RREB1: variants seen among roughly 807,000 people sequenced by gnomAD.
RREB1 encodes the protein ras responsive element binding protein 1.
RREB1 carries 27 observed loss-of-function variants against 117.8 expected under a neutral mutation model. The observed-to-expected ratio is 0.23, with a 90% confidence interval of 0.17 to 0.32. The LOEUF (loss-of-function observed/expected upper bound fraction) is 0.32, where lower values mean the gene tolerates loss of function less well. Among genes scored for constraint, RREB1 ranks in the 10% least tolerant of loss-of-function variants. RREB1 has a pLI of 1.00. For synonymous variants in RREB1, 1,298 were observed against 1,026.7 expected, an observed-to-expected ratio of 1.26 and a Z score of -5.05; for missense variants, 2,577 against 2,378.2, an observed-to-expected ratio of 1.08 and a Z score of -1.74.
chr6:7,249,088 AG>A lies in RREB1; in HGVS notation c.*121del. 1 of 809,766 alleles carries A rather than the reference AG, an allele frequency of 1.2e-6. No individual in the cohort carries two copies. 50.2% of individuals were successfully genotyped at this position (809,766 alleles called of 1,614,324 possible). On this transcript the variant is annotated 3_prime_UTR_variant, in exon 13 of 13. Coordinates refer to ENST00000379938, the MANE Select transcript of RREB1 (RefSeq NM_001003699.4). ...GAGAGAGAGAGAGAGAGAGAGAGAGAGAGAGAGAGAGAGAGACAAGCAGGAG... is the reference window on the plus strand; with the variant it reads ...GAGAGAGAGAGAGAGAGAGAGAGAGAAGAGAGAGAGAGAGACAAGCAGGAG...
chr6:7,188,927 G>A (rs1765250352), intron 5 of RREB1, among the ~76,000 whole-genome samples: 1 of 152,196 alleles, frequency 6.6e-6, no homozygotes, highest in Non-Finnish European at 1.5e-5. Flanking sequence ...GAGCCTTTCA[G>A]TAGAAGTAGT....
chr6:7,249,073 GAGAGAGA>G lies in RREB1; in HGVS notation c.*106_*112del, dbSNP rs1228312006. 1.8e-6 allele frequency: 1 copy of G among 552,562 alleles called. No individual in the cohort carries two copies. The highest frequency in any genetic ancestry group is 4.9e-5 in the East Asian group (1 of 20,318). The allele number at this position is 552,562 out of a possible 1,614,324, so 34.2% of individuals were successfully genotyped here. On this transcript the variant is annotated 3_prime_UTR_variant, in exon 13 of 13. Transcript: ENST00000379938. ...TGGCTGTTGAGGAGTGAGAGAGAGA[GAGAGAGA>G]GAGAGAGAGAGAGAGAGAGAGAGAC...
At chr6:7,237,139 G>A (rs1056072929) in intron 10 of RREB1, among the ~76,000 whole-genome samples, 3 of 151,974 alleles carry the variant, frequency 2.0e-5, no homozygotes, top group African/African-American at 7.2e-5. Context: ...AGGCTGGAGT[G>A]CAGTGGCGTG....
At chr6:7,240,144 CGTT>C (rs1561804749) in intron 10 of RREB1, among the ~76,000 whole-genome samples, 1 of 151,906 alleles carries the variant, frequency 6.6e-6, no homozygotes, top group Non-Finnish European at 1.5e-5. Flanking sequence ...TTTTTGTTGT[CGTT>C]AATATTTTAA....
intron 1 of RREB1, among the ~76,000 whole-genome samples, chr6:7,119,223 C>T (rs982900224): frequency 7.3e-5 from 11 of 151,468 alleles, no homozygotes; most frequent in African/African-American, 2.7e-4. Context: ...TAGTGGCGGG[C>T]GTCTGTAATC....
At chr6:7,143,312 G>A (rs137955106) in intron 1 of RREB1, among the ~76,000 whole-genome samples, 66 of 152,314 alleles carry the variant, frequency 4.3e-4, no homozygotes, top group Admixed American at 1.5e-3. Context: ...CTGAGTAGCT[G>A]GTACCAGATG....
chr6:7,110,662 G>A (rs1397030003), intron 1 of RREB1, among the ~76,000 whole-genome samples: 1 of 152,182 alleles, frequency 6.6e-6, no homozygotes, highest in Non-Finnish European at 1.5e-5. Flanking sequence ...TTTTACAAAA[G>A]AAAAGGAGAG....
Position 7,246,965 on chromosome 6 carries a change from A to C in RREB1, c.4515A>C (p.Ala1505=), listed in dbSNP as rs1001387398. The change falls in exon 12 of 13, where the codon GCA becomes GCC. Residue 1505 remains alanine, a synonymous_variant. Coordinates refer to ENST00000379938, the MANE Select transcript of RREB1 (RefSeq NM_001003699.4). The part of the protein sequence containing the change: ...EQEEKPPETP[A]EVVESAPGAG... The stretch of plus-strand genomic sequence containing the variant: ...AGGAGAAGCCCCCCGAGACCCCGGC[A>C]GAGGTGGTGGAGTCGGCCCCGGGTG... 6.4e-7 allele frequency: 1 copy of C among 1,573,808 alleles called. No individual in the cohort carries two copies. Among genetic ancestry groups the C allele is most frequent in the South Asian group, 1.2e-5 (1 of 86,552 alleles).
At chr6:7,147,628 C>G (rs920412698) in intron 1 of RREB1, among the ~76,000 whole-genome samples, 1 of 152,174 alleles carries the variant, frequency 6.6e-6, no homozygotes, top group Admixed American at 6.5e-5. Context: ...AGCTGATAAG[C>G]CCCTCTCTGT....
intron 6 of RREB1, among the ~76,000 whole-genome samples, chr6:7,192,877 G>T (rs1019904988): frequency 6.6e-6 from 1 of 152,126 alleles, no homozygotes; most frequent in Non-Finnish European, 1.5e-5. Flanking sequence ...AAAGTATAAG[G>T]CTGGATTATT....
At chr6:7,137,808 C>T (rs1312918010) in intron 1 of RREB1, among the ~76,000 whole-genome samples, 1 of 152,148 alleles carries the variant, frequency 6.6e-6, no homozygotes, top group Non-Finnish European at 1.5e-5. Context: ...TGCCCTGGAG[C>T]TGCAGCCTCA....
intron 1 of RREB1, among the ~76,000 whole-genome samples, chr6:7,127,656 G>A (rs917995647): frequency 2.0e-5 from 3 of 152,216 alleles, no homozygotes; most frequent in Non-Finnish European, 2.9e-5. Context: ...AGTTGGGAGT[G>A]ACTGCAGGGT....
In RREB1 at chr6:7,230,348, C is replaced by A; in HGVS notation, c.2249C>A (p.Ala750Asp). The change falls in exon 10 of 13, where the codon GCC becomes GAC. Residue 750 changes from alanine (A) to aspartate (D), a missense_variant. Ala to Asp is a moderately radical substitution (Grantham distance 126). Coordinates refer to ENST00000379938, the MANE Select transcript of RREB1 (RefSeq NM_001003699.4). ...GCCGAGCTGGTGGACGCCTTCTGCGCCCCGGACACCGTGTGCCGGCTGTGC... is the reference window on the plus strand; with the variant it reads ...GCCGAGCTGGTGGACGCCTTCTGCGACCCGGACACCGTGTGCCGGCTGTGC... Reference protein sequence around the residue: ...SAAELVDAFCAPDTVCRLCGE... With the variant: ...SAAELVDAFCDPDTVCRLCGE... The A allele has an allele frequency of 3.1e-6, 5 of 1,591,140 alleles. No homozygotes were observed. Among genetic ancestry groups the A allele is most frequent in the Non-Finnish European group, 4.3e-6 (5 of 1,173,800 alleles).
In RREB1 at chr6:7,230,095, C is replaced by A; in HGVS notation, c.1996C>A (p.Leu666Met). ...CTTGCGTGCCCACGTGCGCTCCCAC[C>A]TGGGCATCTCGCCATACCAGTGCAA... ...GVLRAHVRSH[L>M]GISPYQCNIC... is the part of the protein sequence containing the mutation. The change falls in exon 10 of 13, where the codon CTG (leucine) becomes ATG (methionine). Residue 666 changes from leucine to methionine, a missense_variant. Coordinates refer to ENST00000379938, the MANE Select transcript of RREB1 (RefSeq NM_001003699.4). The A allele has an allele frequency of 1.2e-6, 2 of 1,602,492 alleles. No homozygotes were observed. Among genetic ancestry groups the A allele is most frequent in the Non-Finnish European group, 1.7e-6 (2 of 1,173,848 alleles).
chr6:7,189,875 A>G (rs1011971815), intron 6 of RREB1, among the ~76,000 whole-genome samples: 21 of 152,194 alleles, frequency 1.4e-4, no homozygotes, highest in African/African-American at 5.1e-4. Context: ...GGGAGACAGT[A>G]GAGTGGTAGA....
chr6:7,182,182 G>T, intron 4 of RREB1, 100 bp downstream of exon 4: 1 of 1,116,592 alleles, frequency 9.0e-7, no homozygotes, highest in Admixed American at 2.7e-5. Flanking sequence ...GGAAGAATTG[G>T]GAATAAAACG....
intron 1 of RREB1, among the ~76,000 whole-genome samples, chr6:7,142,896 C>G (rs1426662035): frequency 6.6e-6 from 1 of 152,208 alleles, no homozygotes; most frequent in Non-Finnish European, 1.5e-5. Context: ...TCTACACATG[C>G]TGGGACCCCT....
At chr6:7,168,228 C>G (rs921360634) in intron 1 of RREB1, among the ~76,000 whole-genome samples, 2 of 134,192 alleles carry the variant, frequency 1.5e-5, no homozygotes, top group Non-Finnish European at 3.1e-5. Context: ...GCACTCCAGC[C>G]TGGGTGACAG....
At chr6:7,138,075 C>T (rs1409326932) in intron 1 of RREB1, among the ~76,000 whole-genome samples, 1 of 152,112 alleles carries the variant, frequency 6.6e-6, no homozygotes, top group African/African-American at 2.4e-5. Flanking sequence ...AGTCAGATGG[C>T]ATTAGACACC....
Sources: allele counts gnomAD v4.1 joint callset (sites outside exome capture counted in the v4.1 genomes callset), GRCh38; gene constraint gnomAD v4.1.1; transcripts MANE v1.5; gene names NCBI Gene and HGNC (gene_info 2026-07-23, HGNC 2026-07-21).